Variants in CDYL observed in about 807,000 individuals in gnomAD.
CDYL encodes chromodomain Y-like protein.
In CDYL, 8 loss-of-function variants were observed where a neutral mutation model predicts 47.3. The ratio of observed to expected loss-of-function variants is 0.17; its 90% CI spans 0.10 to 0.31. The LOEUF is 0.31. Among genes scored for constraint, CDYL ranks in the 10% least tolerant of loss-of-function variants. The probability of loss-of-function intolerance (pLI) is 1.00; values close to 1 mark genes in which losing one functional copy is unlikely to be tolerated. For synonymous variants in CDYL, 266 were observed against 265.0 expected, an observed-to-expected ratio of 1.00 and a Z score of -0.04; for missense variants, 471 against 701.4, an observed-to-expected ratio of 0.67 and a Z score of 3.71.
intron 1 of CDYL, among the ~76,000 whole-genome samples, chr6:4,878,546 G>GA (rs2127476807): frequency 6.6e-6 from 1 of 152,022 alleles, no homozygotes; most frequent in Admixed American, 6.5e-5. Context: ...CAAGGAACAT[G>GA]TCTACTTTTA....
chr6:4,864,044 G>T (rs948426176), intron 1 of CDYL, among the ~76,000 whole-genome samples: 1 of 152,190 alleles, frequency 6.6e-6, no homozygotes, highest in South Asian at 2.1e-4. Context: ...AAGAGAGATC[G>T]CCTGAGGGTC....
At chr6:4,923,614 G>A (rs923653599) in intron 2 of CDYL, among the ~76,000 whole-genome samples, 3 of 152,094 alleles carry the variant, frequency 2.0e-5, no homozygotes, top group Non-Finnish European at 4.4e-5. Context: ...TCATATGGTA[G>A]ATTTATTTTT....
chr6:4,828,482 T>C (rs1374827780), intron 1 of CDYL, among the ~76,000 whole-genome samples: 2 of 152,136 alleles, frequency 1.3e-5, no homozygotes, highest in African/African-American at 4.8e-5. Context: ...TGTTGAGAAA[T>C]CAGCTATTAA....
At chr6:4,807,588 T>C (rs1759405986) in intron 1 of CDYL, among the ~76,000 whole-genome samples, 1 of 128,884 alleles carries the variant, frequency 7.8e-6, no homozygotes, top group East Asian at 2.5e-4. Flanking sequence ...CATTCATTCA[T>C]GTCTTTTTTT....
Position 4,892,335 on chromosome 6 carries a change from C to T in CDYL, c.647C>T (p.Pro216Leu), listed in dbSNP as rs758389859. ...IHPLVPQVPG[P>L]VTAAMATGLA... Reference sequence around the variant, plus strand: ...CCACTAGTGCCTCAGGTGCCCGGCCCTGTGACTGCAGCCATGGCCACAGGC... The same window carrying T: ...CCACTAGTGCCTCAGGTGCCCGGCCTTGTGACTGCAGCCATGGCCACAGGC... The change falls in exon 2 of 7, where the codon CCT becomes CTT. Residue 216 changes from proline (P) to leucine (L), a missense_variant. By Grantham distance (98) the Pro-to-Leu change is moderately conservative (BLOSUM62 -3). This residue lies in a region of CDYL where 311 missense variants were observed against 350.0 expected (regional missense o/e 0.89). Coordinates refer to ENST00000397588, the MANE Select transcript of CDYL (RefSeq NM_004824.4). The T allele has an allele frequency of 6.2e-7, 1 of 1,613,776 alleles. No homozygotes were observed. The highest frequency in any genetic ancestry group is 1.1e-5 in the South Asian group (1 of 91,038).
chr6:4,900,675 A>T (rs1435038138), intron 2 of CDYL, among the ~76,000 whole-genome samples: 1 of 150,898 alleles, frequency 6.6e-6, no homozygotes, highest in East Asian at 1.9e-4. Context: ...TGTCTGGCAG[A>T]TGAGAAATTG....
chr6:4,706,679 C>A (rs1163963151), intron 1 of CDYL, among the ~76,000 whole-genome samples: 1 of 152,092 alleles, frequency 6.6e-6, no homozygotes, highest in Admixed American at 6.5e-5. Flanking sequence ...ATTCCAGTTA[C>A]TCTGGAGGCT....
chr6:4,728,892 A>C (rs988093868), intron 2 of CDYL, among the ~76,000 whole-genome samples: 1 of 152,170 alleles, frequency 6.6e-6, no homozygotes, highest in Non-Finnish European at 1.5e-5. Flanking sequence ...CTATTTGCAC[A>C]GTTCCATGCC....
intron 1 of CDYL, among the ~76,000 whole-genome samples, chr6:4,870,909 G>A (rs1018414955): frequency 6.6e-6 from 1 of 152,064 alleles, no homozygotes; most frequent in African/African-American, 2.4e-5. Context: ...ATTAAACATG[G>A]TTTTAAAAAA....
At chr6:4,832,699 C>T (rs1265055636) in intron 1 of CDYL, among the ~76,000 whole-genome samples, 1 of 148,852 alleles carries the variant, frequency 6.7e-6, no homozygotes, top group African/African-American at 2.5e-5. Context: ...GTGAATCCAT[C>T]TGGTCCTGGA....
chr6:4,846,239 A>C (rs939070304), intron 1 of CDYL, among the ~76,000 whole-genome samples: 3 of 151,570 alleles, frequency 2.0e-5, no homozygotes, highest in Non-Finnish European at 4.4e-5. Context: ...TCTGGTTTTC[A>C]TGTGCCCACT....
At chr6:4,807,896 C>T (rs766159061) in intron 1 of CDYL, among the ~76,000 whole-genome samples, 5 of 151,998 alleles carry the variant, frequency 3.3e-5, no homozygotes, top group Non-Finnish European at 4.4e-5. Context: ...CATGAGCCAC[C>T]GCGCCGGGCT....
intron 1 of CDYL, among the ~76,000 whole-genome samples, chr6:4,883,186 G>A (rs895533090): frequency 2.0e-5 from 3 of 152,132 alleles, no homozygotes; most frequent in Non-Finnish European, 4.4e-5. Flanking sequence ...CTGGTGGAAG[G>A]AGAGCAACAA....
At chr6:4,861,581 C>T (rs185053183) in intron 1 of CDYL, among the ~76,000 whole-genome samples, 1 of 152,176 alleles carries the variant, frequency 6.6e-6, no homozygotes, top group Non-Finnish European at 1.5e-5. Flanking sequence ...ACATAGTCCA[C>T]GTCTAATATG....
chr6:4,839,141 T>C (rs1561663153), intron 1 of CDYL, among the ~76,000 whole-genome samples: 1 of 152,252 alleles, frequency 6.6e-6, no homozygotes, highest in Non-Finnish European at 1.5e-5. Context: ...TGGTATCGCA[T>C]TGTGGTTTTG....
At chr6:4,876,987 T>C (rs959821075) in intron 1 of CDYL, among the ~76,000 whole-genome samples, 1 of 152,208 alleles carries the variant, frequency 6.6e-6, no homozygotes, top group Non-Finnish European at 1.5e-5. Context: ...CCAAGAGAGC[T>C]TCTTTGTCCC....
intron 1 of CDYL, among the ~76,000 whole-genome samples, chr6:4,860,756 A>G (rs909994241): frequency 9.2e-5 from 14 of 151,934 alleles, no homozygotes; most frequent in African/African-American, 1.5e-4. Context: ...TGAGTCCCCA[A>G]ACTGAAGAAC....
At chr6:4,897,790 G>GTTTTGTTTTTTTTTTTT (rs75519192) in intron 2 of CDYL, among the ~76,000 whole-genome samples, 1 of 140,220 alleles carries the variant, frequency 7.1e-6, no homozygotes, top group Non-Finnish European at 1.5e-5. Context: ...GAAGGTTTTT[G>GTTTTGTTTTTTTTTTTT]TTTTTTTTTT....
chr6:4,798,015 C>A (rs1345177821), intron 1 of CDYL, among the ~76,000 whole-genome samples: 1 of 151,818 alleles, frequency 6.6e-6, no homozygotes, highest in Non-Finnish European at 1.5e-5. Flanking sequence ...TTCTGTTGCC[C>A]AGGCTGGAAT....
Sources: allele counts gnomAD v4.1 joint callset (sites outside exome capture counted in the v4.1 genomes callset), GRCh38; gene constraint gnomAD v4.1.1; regional missense constraint gnomAD v4.1.1; transcripts MANE v1.5; gene names NCBI Gene and HGNC (gene_info 2026-07-23, HGNC 2026-07-21).